The following COBL variants were observed in gnomAD, a reference collection of about 807,000 sequenced individuals.
COBL encodes the protein cordon-bleu WH2 repeat protein, also known as protein cordon-bleu.
Under a neutral mutation model 98.8 loss-of-function variants are expected in COBL, and 51 were observed. The ratio of observed to expected loss-of-function variants is 0.52; its 90% CI spans 0.41 to 0.65. The LOEUF is 0.65. Among genes scored for constraint, COBL ranks in the 30% least tolerant of loss-of-function variants. COBL has a pLI of 0.00. For missense variants in COBL, 1,617 were observed against 1,617.5 expected, an observed-to-expected ratio of 1.00 and a Z score of 0.01; for synonymous variants, 634 against 651.7, an observed-to-expected ratio of 0.97 and a Z score of 0.41.
chr7:51,168,435 C>CA (rs113007751), intron 5 of COBL, among the ~76,000 whole-genome samples: 120 of 132,310 alleles, frequency 9.1e-4, no homozygotes, highest in Non-Finnish European at 9.6e-4. Flanking sequence ...GACTCCGTTT[C>CA]AAAAAAAAAA....
intron 5 of COBL, among the ~76,000 whole-genome samples, chr7:51,150,862 T>C (rs1176859400): frequency 6.6e-6 from 1 of 152,146 alleles, no homozygotes; most frequent in African/African-American, 2.4e-5. Flanking sequence ...ATAGCTGGGA[T>C]GTCATGTTCT....
chr7:51,254,084 CA>C (rs1374972047), intron 1 of COBL, among the ~76,000 whole-genome samples: 24 of 147,516 alleles, frequency 1.6e-4, no homozygotes, highest in African/African-American at 5.9e-4. Context: ...TTTTTTTTGT[CA>C]AAAGAAAGCA....
intron 1 of COBL, among the ~76,000 whole-genome samples, chr7:51,245,675 C>G (rs917629531): frequency 2.6e-5 from 4 of 152,304 alleles, no homozygotes; most frequent in South Asian, 2.1e-4. Context: ...GAGTCTATAA[C>G]ATAAATGATA....
At chr7:51,047,724 C>T (rs1230507472) in intron 7 of COBL, among the ~76,000 whole-genome samples, 1 of 152,176 alleles carries the variant, frequency 6.6e-6, no homozygotes, top group East Asian at 1.9e-4. Context: ...GTGGGTCCCA[C>T]GGCCACTCAC....
Position 51,316,700 on chromosome 7 carries a change from A to T in COBL, c.-67T>A. 9.0e-7 allele frequency: 1 copy of T among 1,110,800 alleles called. No individual in the cohort carries two copies. The highest frequency in any genetic ancestry group is 1.1e-6 in the Non-Finnish European group (1 of 888,726). The allele number at this position is 1,110,800 out of a possible 1,614,324, so 68.8% of individuals were successfully genotyped here. On this transcript the variant is annotated 5_prime_UTR_variant, in exon 1 of 13. Coordinates refer to ENST00000265136, the MANE Select transcript of COBL (RefSeq NM_015198.5). ...GAGTCAGGCGCTGGCTACCGCCGCC[A>T]CCGCTGCCGCCCTCATTCACTTTTT...
intron 6 of COBL, among the ~76,000 whole-genome samples, chr7:51,115,877 T>G (rs1797230020): frequency 6.6e-6 from 1 of 152,076 alleles, no homozygotes; most frequent in Non-Finnish European, 1.5e-5. Flanking sequence ...CAAATCTTCA[T>G]GTATTTTGAA....
chr7:51,266,918 T>C (rs1286763831), intron 1 of COBL, among the ~76,000 whole-genome samples: 2 of 152,192 alleles, frequency 1.3e-5, no homozygotes, highest in Non-Finnish European at 2.9e-5. Context: ...CCTATTAACT[T>C]ACATTTCGAC....
At chr7:51,235,338 G>C (rs1387897250) in intron 1 of COBL, among the ~76,000 whole-genome samples, 1 of 152,180 alleles carries the variant, frequency 6.6e-6, no homozygotes, top group Non-Finnish European at 1.5e-5. Context: ...TGTTAGGTCT[G>C]CTGTGCTGTG....
intron 6 of COBL, among the ~76,000 whole-genome samples, chr7:51,133,999 C>T (rs1047362110): frequency 1.3e-5 from 2 of 152,174 alleles, no homozygotes; most frequent in Admixed American, 6.5e-5. Context: ...CATTTTCTTA[C>T]AAACTAGTCA....
chr7:51,309,219 A>G (rs1802784863), intron 1 of COBL, among the ~76,000 whole-genome samples: 1 of 152,104 alleles, frequency 6.6e-6, no homozygotes, highest in Non-Finnish European at 1.5e-5. Flanking sequence ...AGGGGACATG[A>G]GCAAAGGGAC....
intron 1 of COBL, among the ~76,000 whole-genome samples, chr7:51,291,900 C>G (rs549090362): frequency 6.6e-6 from 1 of 152,062 alleles, no homozygotes; most frequent in Non-Finnish European, 1.5e-5. Context: ...GTGGCTCACA[C>G]CTGTAATCCC....
At chr7:51,162,100 C>T (rs1327172509) in intron 5 of COBL, among the ~76,000 whole-genome samples, 1 of 152,340 alleles carries the variant, frequency 6.6e-6, no homozygotes, top group East Asian at 1.9e-4. Flanking sequence ...GCATCCACAA[C>T]TGACTATGTG....
At chr7:51,244,873 T>G (rs1346097842) in intron 1 of COBL, among the ~76,000 whole-genome samples, 1 of 152,224 alleles carries the variant, frequency 6.6e-6, no homozygotes, top group Non-Finnish European at 1.5e-5. Context: ...AGGGAGTTCC[T>G]GCAAGGAACG....
At position 51,316,808 on chromosome 7, in the gene COBL, C is replaced by T. The variant is rs974553621; in HGVS notation, c.-175G>A. On this transcript the variant is annotated 5_prime_UTR_variant, in exon 1 of 13. Transcript: ENST00000265136. ...CGGACGGAAGGGGCTGGAATCGTCT[C>T]TAGCGGGCGGGGGCGCCGGGAGCGC... The T allele has an allele frequency of 4.6e-6, 2 of 438,916 alleles. No individual in the cohort carries two copies. Among genetic ancestry groups the T allele is most frequent in the Admixed American group, 9.8e-5 (2 of 20,412 alleles). The allele number at this position is 438,916 out of a possible 1,614,324, so 27.2% of individuals were successfully genotyped here. A position where few individuals can be genotyped will look rare whatever the true frequency, so the allele number is the denominator to read the frequency against.
intron 1 of COBL, among the ~76,000 whole-genome samples, chr7:51,314,052 G>A (rs565376420): frequency 6.6e-6 from 1 of 152,296 alleles, no homozygotes; most frequent in East Asian, 1.9e-4. Flanking sequence ...AAGTAAAAAC[G>A]TATATTTGTG....
At chr7:51,037,486 G>T (rs904159631) in intron 8 of COBL, among the ~76,000 whole-genome samples, 1 of 152,216 alleles carries the variant, frequency 6.6e-6, no homozygotes, top group Non-Finnish European at 1.5e-5. Context: ...ATTGGCTGGG[G>T]TCATATGTAA....
chr7:51,200,060 A>G (rs1790972295), intron 2 of COBL, among the ~76,000 whole-genome samples: 1 of 152,218 alleles, frequency 6.6e-6, no homozygotes, highest in Admixed American at 6.5e-5. Flanking sequence ...CACACAAGGG[A>G]AACATTGTAA....
chr7:51,255,655 C>T (rs1323339096), intron 1 of COBL, among the ~76,000 whole-genome samples: 23 of 152,208 alleles, frequency 1.5e-4, no homozygotes, highest in Non-Finnish European at 3.4e-4. Flanking sequence ...CTGCCGAGAT[C>T]ACTTCCTCCT....
At chr7:51,152,945 C>A (rs1583980510) in intron 5 of COBL, among the ~76,000 whole-genome samples, 2 of 152,210 alleles carry the variant, frequency 1.3e-5, no homozygotes, top group African/African-American at 4.8e-5. Flanking sequence ...TCTGAAAGAG[C>A]AAGCAATGAA....
Sources: allele counts gnomAD v4.1 joint callset (sites outside exome capture counted in the v4.1 genomes callset), GRCh38; gene constraint gnomAD v4.1.1; transcripts MANE v1.5; gene names NCBI Gene and HGNC (gene_info 2026-07-23, HGNC 2026-07-21).